Variants in PRG4 observed in about 807,000 individuals in gnomAD.
PRG4 encodes proteoglycan 4.
PRG4 carries 61 observed loss-of-function variants against 91.2 expected under a neutral mutation model. The observed-to-expected ratio is 0.67, with a 90% CI of 0.54 to 0.83. The LOEUF (loss-of-function observed/expected upper bound fraction) is 0.83. Ranked by LOEUF, PRG4 falls within the 40% of genes least tolerant of loss-of-function variation. PRG4 has a pLI of 0.00. For synonymous variants in PRG4, 576 were observed against 614.2 expected (o/e 0.94, Z 0.92); for missense variants, 1,564 against 1,714.2 (o/e 0.91, Z 1.55).
chr1:186,311,837 C>T (rs949504123), intron 10 of PRG4: 91 of 577,982 alleles, frequency 1.6e-4, no homozygotes, highest in Non-Finnish European at 2.3e-4. Flanking sequence ...CATTTACTTT[C>T]GCTTCACAAA....
At chr1:186,301,200 G>C (rs770519504) in intron 3 of PRG4, among the ~76,000 whole-genome samples, 29 of 152,236 alleles carry the variant, frequency 1.9e-4, no homozygotes, top group Middle Eastern at 6.8e-3. Flanking sequence ...GCTGAGATCT[G>C]TACATTCAAT....
chr1:186,304,150 C>A lies in PRG4; in HGVS notation c.362C>A (p.Pro121Gln). 6.2e-7 allele frequency: 1 copy of A among 1,614,110 alleles called. No homozygotes were observed. Among genetic ancestry groups the A allele is most frequent in the Non-Finnish European group, 8.5e-7 (1 of 1,179,940 alleles). The change falls in exon 5 of 13, where the codon CCA (proline) becomes CAA (glutamine). Residue 121 changes from proline (P) to glutamine (Q), a missense_variant. This residue lies in a region of PRG4 where 437 missense variants were observed against 459.0 expected (regional missense o/e 0.95). Coordinates refer to ENST00000445192, the MANE Select transcript of PRG4 (RefSeq NM_005807.6). ...CCACCATCTTCAAAGAAAGCACCTC[C>A]ACCTTCAGGAGCATCTCAAACCATC... Reference protein sequence around the residue: ...TSPPSSKKAPPPSGASQTIKS... With the variant: ...TSPPSSKKAPQPSGASQTIKS...
rs1258240702 is a variant in PRG4, at chr1:186,309,011, G to C, written c.3292G>C (p.Gly1098Arg). The change falls in exon 7 of 13, where the codon GGT becomes CGT. Residue 1098 changes from glycine (G) to arginine (R), a missense_variant. By Grantham distance (125) the Gly-to-Arg change is moderately radical. This residue lies in a region of PRG4 where 1,079 missense variants were observed against 1,162.2 expected (regional missense o/e 0.93). Coordinates refer to ENST00000445192, the MANE Select transcript of PRG4 (RefSeq NM_005807.6). ...AGTAAATCCAAAGAGTGAAGATGCAGGTGGTGCTGAAGGAGAAACACCTCA... is the reference window on the plus strand; with the variant it reads ...AGTAAATCCAAAGAGTGAAGATGCACGTGGTGCTGAAGGAGAAACACCTCA... ...VEVNPKSEDA[G>R]GAEGETPHML... 2 of 1,611,218 alleles carry C rather than the reference G, an allele frequency of 1.2e-6. No homozygotes were observed. The highest frequency in any genetic ancestry group is 2.2e-5 in the East Asian group (1 of 44,848).
chr1:186,311,301 C>G, intron 9 of PRG4, 131 bp downstream of exon 9: 1 of 1,412,328 alleles, frequency 7.1e-7, no homozygotes, highest in Non-Finnish European at 9.9e-7. Context: ...AATCATAATT[C>G]AACAGTTTGA....
rs142813803 is a variant in PRG4 at position 186,300,211 on chromosome 1, C to A, written c.197C>A (p.Ala66Glu). ...CCPDFKRVCT[A>E]ELSCKGRCFE... ...CCTGATTTCAAGAGAGTCTGCACTG[C>A]GGGTAAGTCCTGAGAGCGGGTGTCT... is the stretch of plus-strand genomic sequence containing the variant. Residue 66 changes from alanine (A) to glutamate (E), a missense_variant and splice_region_variant, in exon 3 of 13, where the codon GCG becomes GAG. By Grantham distance (107) the Ala-to-Glu change is moderately radical. Transcript: ENST00000445192. 7.4e-6 allele frequency: 12 copies of A among 1,613,856 alleles called. No homozygotes were observed. The highest frequency in any genetic ancestry group is 1.1e-5 in the South Asian group (1 of 91,062).
chr1:186,296,813 A>G, intron 1 of PRG4, 33 bp from the exon 2 acceptor site: 1 of 1,192,540 alleles, frequency 8.4e-7, no homozygotes, highest in Non-Finnish European at 1.2e-6. Context: ...GAGATGAAAG[A>G]GCTGTTTTCT....
chr1:186,312,979 T>C (rs1657395778), intron 12 of PRG4, 85 bp downstream of exon 12: 3 of 1,368,840 alleles, frequency 2.2e-6, no homozygotes, highest in Non-Finnish European at 3.1e-6. Context: ...GCTGCAATGA[T>C]GACTGAATGT....
At chr1:186,310,787 C>T (rs1161978851) in intron 8 of PRG4, among the ~76,000 whole-genome samples, 1 of 151,926 alleles carries the variant, frequency 6.6e-6, no homozygotes, top group East Asian at 1.9e-4. Context: ...AGGTGTGAGC[C>T]ACTGCACCTG....
intron 8 of PRG4, 21 bp from the exon 9 acceptor site, chr1:186,311,013 A>T: frequency 6.2e-7 from 1 of 1,613,710 alleles, no homozygotes; most frequent in Non-Finnish European, 8.5e-7. Flanking sequence ...TTGTAGGCTG[A>T]TGTCTTTCCT....
At position 186,304,780 on chromosome 1, in the gene PRG4, T is replaced by A; in HGVS notation, c.470-14T>A. ...TCACAGTTGGTGTGATCAAACTTTC[T>A]ATTTGATTTATAGAACATTCTGTTT... On this transcript the variant is annotated splice_polypyrimidine_tract_variant and intron_variant, in intron 5 of 12. Coordinates refer to ENST00000445192, the MANE Select transcript of PRG4 (RefSeq NM_005807.6). 1 of 1,609,386 alleles carries A rather than the reference T, an allele frequency of 6.2e-7. No individual in the cohort carries two copies. The highest frequency in any genetic ancestry group is 2.2e-5 in the East Asian group (1 of 44,758).
chr1:186,299,691 C>T (rs1038983151), intron 2 of PRG4, among the ~76,000 whole-genome samples: 14 of 152,126 alleles, frequency 9.2e-5, no homozygotes, highest in Non-Finnish European at 1.6e-4. Context: ...GCTACTAAAT[C>T]CTGGAAACAT....
chr1:186,311,866 A>C, intron 10 of PRG4: 1 of 563,194 alleles, frequency 1.8e-6, no homozygotes, highest in Admixed American at 3.2e-5. Context: ...TCATCCTTGC[A>C]CAAGGGCCAT....
At position 186,311,158 on chromosome 1, in the gene PRG4, T is replaced by C. The variant is rs1223515164; in HGVS notation, c.3624T>C (p.Thr1208=). The change falls in exon 9 of 13, where the codon ACT becomes ACC. Residue 1208 remains threonine, a synonymous_variant. Transcript: ENST00000445192. ...CTAGGTGCAACTGTGAAGGAAAAACTTTCTTCTTTAAGGTAACACAAATAT... is the reference window on the plus strand; with the variant it reads ...CTAGGTGCAACTGTGAAGGAAAAACCTTCTTCTTTAAGGTAACACAAATAT... ...VFTRCNCEGK[T]FFFKDSQYWR... is the part of the protein sequence containing the mutation. 7 of 1,612,142 alleles carry C rather than the reference T, an allele frequency of 4.3e-6. No homozygotes were observed. The highest frequency in any genetic ancestry group is 5.9e-6 in the Non-Finnish European group (7 of 1,178,340).
Position 186,307,730 on chromosome 1 carries a change from G to C in PRG4, c.2011G>C (p.Ala671Pro). The C allele has an allele frequency of 1.2e-6, 2 of 1,610,244 alleles. No homozygotes were observed. The highest frequency in any genetic ancestry group is 1.7e-6 in the Non-Finnish European group (2 of 1,178,948). Residue 671 changes from alanine to proline, a missense_variant, in exon 7 of 13, where the codon GCA becomes CCA. By Grantham distance (27) the Ala-to-Pro change is conservative (BLOSUM62 -1). Around this residue, in one of 3 missense-constraint regions of PRG4, gnomAD observed 1,079 missense variants for 1,162.2 expected, o/e 0.93. Transcript: ENST00000445192. ...GGAGCCTGCTCCCACCACTCCCAAG[G>C]CAGCGGCTCCCAACACCCCTAAGGA... is the stretch of plus-strand genomic sequence containing the variant. ...PEEPAPTTPK[A>P]AAPNTPKEPA... is the part of the protein sequence containing the mutation.
At position 186,300,268 on chromosome 1, in the gene PRG4, T is replaced by TC. The variant is rs1037160671; in HGVS notation, c.199+61dup. On this transcript the variant is annotated intron_variant, in intron 3 of 12. Transcript: ENST00000445192. ...TCAAGCAACACTGCGAGTCTGTGAG[T>TC]CCCCCCTTGCACCCTCGTGCAGTGC... 5.6e-6 allele frequency: 9 copies of TC among 1,610,804 alleles called. No individual in the cohort carries two copies. The East Asian group carries it at 6.7e-5, about 12-fold the overall frequency.
Position 186,307,112 on chromosome 1 carries a change from A to C in PRG4, c.1393A>C (p.Lys465Gln), listed in dbSNP as rs766359397. Reference sequence around the variant, plus strand: ...CAAGGAGCCTACACCCACCACTCCCAAGGAGCCTGCACCCACCACCAAGGA... The same window carrying C: ...CAAGGAGCCTACACCCACCACTCCCCAGGAGCCTGCACCCACCACCAAGGA... ...TPKEPTPTTP[K>Q]EPAPTTKEPA... The change falls in exon 7 of 13, where the codon AAG becomes CAG. Residue 465 changes from lysine to glutamine, a missense_variant. Lys to Gln is a moderately conservative substitution (Grantham distance 53). Transcript: ENST00000445192. 1 of 1,569,852 alleles carries C rather than the reference A, an allele frequency of 6.4e-7. No individual in the cohort carries two copies. The highest frequency in any genetic ancestry group is 1.5e-5 in the African/African-American group (1 of 65,928).
In PRG4 at chr1:186,307,905, C is replaced by T. The variant is rs756220036; in HGVS notation, c.2186C>T (p.Ala729Val). Residue 729 changes from alanine to valine, a missense_variant, in exon 7 of 13, where the codon GCC becomes GTC. Coordinates refer to ENST00000445192, the MANE Select transcript of PRG4 (RefSeq NM_005807.6). Reference protein sequence around the residue: ...EPAPTTPKKPAPKELAPTTTK... With the variant: ...EPAPTTPKKPVPKELAPTTTK... ...GCACCCACTACTCCCAAGAAGCCTGCCCCCAAGGAGCTTGCACCCACCACC... is the reference window on the plus strand; with the variant it reads ...GCACCCACTACTCCCAAGAAGCCTGTCCCCAAGGAGCTTGCACCCACCACC... 1 of 1,611,190 alleles carries T rather than the reference C, an allele frequency of 6.2e-7. No homozygotes were observed. The highest frequency in any genetic ancestry group is 1.7e-5 in the Admixed American group (1 of 59,748).
chr1:186,299,518 T>C (rs1656065055), intron 2 of PRG4, among the ~76,000 whole-genome samples: 1 of 152,216 alleles, frequency 6.6e-6, no homozygotes, highest in Non-Finnish European at 1.5e-5. Flanking sequence ...TAAAATGTAT[T>C]ATCTAAATTA....
chr1:186,309,764 ATTTGT>A (rs1657036473), intron 7 of PRG4, 24 bp from the exon 8 acceptor site: 4 of 1,482,258 alleles, frequency 2.7e-6, no homozygotes, highest in South Asian at 2.3e-5. Context: ...TCTGTTCTAT[ATTTGT>A]TTTGTTTTTG....
Sources: allele counts gnomAD v4.1 joint callset (sites outside exome capture counted in the v4.1 genomes callset), GRCh38; gene constraint gnomAD v4.1.1; regional missense constraint gnomAD v4.1.1; transcripts MANE v1.5; gene names NCBI Gene and HGNC (gene_info 2026-07-23, HGNC 2026-07-21).